PDIA5: variants seen among roughly 807,000 people sequenced by gnomAD.
PDIA5 encodes the protein protein disulfide isomerase family A member 5.
PDIA5 carries 58 observed loss-of-function variants against 77.6 expected under a neutral mutation model. That is an observed-to-expected ratio of 0.75 (90% CI 0.61 to 0.93). The LOEUF (loss-of-function observed/expected upper bound fraction) is 0.93, where lower values mean the gene tolerates loss of function less well. Ranked by LOEUF, PDIA5 falls within the 40% of genes least tolerant of loss-of-function variation. The pLI is 0.00. For synonymous variants in PDIA5, 250 were observed against 252.1 expected, an observed-to-expected ratio of 0.99 and a Z score of 0.08; for missense variants, 630 against 647.7, an observed-to-expected ratio of 0.97 and a Z score of 0.30.
chr3:123,106,632 G>C, intron 5 of PDIA5, 117 bp from the exon 6 acceptor site: 1 of 721,760 alleles, frequency 1.4e-6, no homozygotes, highest in Non-Finnish European at 2.4e-6. Context: ...GCAGTCCTGA[G>C]CTCAGCAGCT....
chr3:123,138,334 T>C (rs1935546794), intron 11 of PDIA5, among the ~76,000 whole-genome samples: 1 of 152,232 alleles, frequency 6.6e-6, no homozygotes. Context: ...TCATATGTTA[T>C]TAAAAATGCT....
chr3:123,114,623 G>A, intron 7 of PDIA5, among the ~76,000 whole-genome samples: 1 of 152,340 alleles, frequency 6.6e-6, no homozygotes, highest in South Asian at 2.1e-4. Flanking sequence ...TCCACCCGGT[G>A]CATTTCCCCC....
chr3:123,121,104 G>C (rs1251981685), intron 8 of PDIA5, among the ~76,000 whole-genome samples: 1 of 152,194 alleles, frequency 6.6e-6, no homozygotes, highest in African/African-American at 2.4e-5. Flanking sequence ...AACTCACTCA[G>C]CCTTTTCTTT....
chr3:123,154,486 C>T (rs971732105), intron 14 of PDIA5, among the ~76,000 whole-genome samples: 2 of 152,190 alleles, frequency 1.3e-5, no homozygotes, highest in East Asian at 1.9e-4. Context: ...AGCAGCAAAT[C>T]ATGAGCAGTG....
intron 14 of PDIA5, among the ~76,000 whole-genome samples, chr3:123,153,877 CCACCGTGG>C (rs1663645036): frequency 6.6e-6 from 1 of 152,222 alleles, no homozygotes; most frequent in African/African-American, 2.4e-5. Context: ...GTTTCTGTTC[CCACCGTGG>C]CATCTCTGCC....
intron 8 of PDIA5, among the ~76,000 whole-genome samples, chr3:123,120,641 A>G (rs1420289987): frequency 6.6e-6 from 1 of 152,238 alleles, no homozygotes; most frequent in Non-Finnish European, 1.5e-5. Flanking sequence ...TCCTTCCCCT[A>G]AGTGCCAGTG....
intron 5 of PDIA5, 137 bp downstream of exon 5, chr3:123,102,933 T>TC: frequency 2.9e-6 from 2 of 699,232 alleles, no homozygotes; most frequent in Non-Finnish European, 5.3e-6. Flanking sequence ...TTCTTATCTC[T>TC]AGAGCATATG....
chr3:123,155,019 A>G lies in PDIA5; in HGVS notation c.1322A>G (p.Asp441Gly), dbSNP rs146804125. ...KVIPHFTATA[D>G]AFKDDRKIAC... Reference sequence around the variant, plus strand: ...ATTCCGCACTTTACTGCTACTGCTGATGCCTTCAAAGATGACCGAAAGGTA... The same window carrying G: ...ATTCCGCACTTTACTGCTACTGCTGGTGCCTTCAAAGATGACCGAAAGGTA... The change falls in exon 15 of 17, where the codon GAT becomes GGT. Residue 441 changes from aspartate (D) to glycine (G), a missense_variant. Asp to Gly is a moderately conservative substitution (Grantham distance 94). Coordinates refer to ENST00000316218, the MANE Select transcript of PDIA5 (RefSeq NM_006810.4). 71 of 1,612,084 alleles carry G rather than the reference A, an allele frequency of 4.4e-5. No homozygotes were observed. Among genetic ancestry groups the G allele is most frequent in the Non-Finnish European group, 5.9e-5 (69 of 1,178,142 alleles).
intron 1 of PDIA5, among the ~76,000 whole-genome samples, chr3:123,085,317 C>T (rs1934109665): frequency 6.6e-6 from 1 of 152,250 alleles, no homozygotes; most frequent in African/African-American, 2.4e-5. Flanking sequence ...GAGATGGATC[C>T]TTCATTAGGC....
chr3:123,110,113 A>G (rs760118386), intron 6 of PDIA5, among the ~76,000 whole-genome samples: 2 of 152,182 alleles, frequency 1.3e-5, no homozygotes, highest in Non-Finnish European at 2.9e-5. Context: ...GCAGTCCTTG[A>G]TAGAGTTGCT....
chr3:123,110,882 G>A, intron 6 of PDIA5, 62 bp from the exon 7 acceptor site: 1 of 1,321,922 alleles, frequency 7.6e-7, no homozygotes, highest in Non-Finnish European at 1.1e-6. Context: ...GGGGCGGGGA[G>A]GGGGTCTCAT....
chr3:123,084,414 T>C (rs1164195034), intron 1 of PDIA5, among the ~76,000 whole-genome samples: 1 of 151,846 alleles, frequency 6.6e-6, no homozygotes, highest in African/African-American at 2.4e-5. Flanking sequence ...CTCTTTTCTT[T>C]AGAAGTGTCC....
At chr3:123,161,165 C>G (rs746460991) in intron 15 of PDIA5, among the ~76,000 whole-genome samples, 156 bp from the exon 16 acceptor site, 15 of 152,194 alleles carry the variant, frequency 9.9e-5, no homozygotes, top group Non-Finnish European at 1.8e-4. Flanking sequence ...TCCAAGGAGT[C>G]CTGAGCTGGG....
At chr3:123,108,885 C>CAAAAAAAAAAAAAAAAAAAAAA (rs375336044) in intron 6 of PDIA5, among the ~76,000 whole-genome samples, 2 of 151,168 alleles carry the variant, frequency 1.3e-5, no homozygotes, top group African/African-American at 4.9e-5. Flanking sequence ...GACTCCTTCT[C>CAAAAAAAAAAAAAAAAAAAAAA]AAAAAAAAGC....
At chr3:123,067,316 C>A in intron 1 of PDIA5, 110 bp downstream of exon 1, 1 of 964,096 alleles carries the variant, frequency 1.0e-6, no homozygotes, top group Non-Finnish European at 1.3e-6. Context: ...TGCCCCGGGG[C>A]ACCGGGATGA....
chr3:123,088,631 G>A (rs1328324388), intron 1 of PDIA5, among the ~76,000 whole-genome samples: 1 of 152,172 alleles, frequency 6.6e-6, no homozygotes, highest in Non-Finnish European at 1.5e-5. Context: ...ATCCTTGAGG[G>A]ATTGGTTCCA....
At chr3:123,078,549 T>C (rs952455941) in intron 1 of PDIA5, among the ~76,000 whole-genome samples, 4 of 152,240 alleles carry the variant, frequency 2.6e-5, no homozygotes, top group Non-Finnish European at 5.9e-5. Flanking sequence ...CATTTGTTTT[T>C]ATCATACTCT....
chr3:123,091,252 T>C (rs902686086), intron 2 of PDIA5, among the ~76,000 whole-genome samples: 1 of 152,164 alleles, frequency 6.6e-6, no homozygotes, highest in South Asian at 2.1e-4. Flanking sequence ...CTCAGCATGC[T>C]CTGTATTCAC....
intron 10 of PDIA5, 109 bp from the exon 11 acceptor site, chr3:123,130,371 G>A: frequency 8.2e-7 from 1 of 1,219,800 alleles, no homozygotes; most frequent in Non-Finnish European, 1.1e-6. Flanking sequence ...AGCCCCTGGA[G>A]TGGGCCGTCC....
Sources: allele counts gnomAD v4.1 joint callset (sites outside exome capture counted in the v4.1 genomes callset), GRCh38; gene constraint gnomAD v4.1.1; transcripts MANE v1.5; gene names NCBI Gene and HGNC (gene_info 2026-07-23, HGNC 2026-07-21).